Variants in SMARCD3 observed in about 807,000 individuals in gnomAD.
SMARCD3 encodes SWI/SNF related BAF chromatin remodeling complex subunit D3.
A neutral mutation model predicts 58.0 loss-of-function variants in SMARCD3; 14 were observed. That is an observed-to-expected ratio of 0.24 (90% CI 0.16 to 0.38). The LOEUF is 0.38. Ranked by LOEUF, SMARCD3 falls within the 10% of genes least tolerant of loss-of-function variation. The pLI is 1.00. For missense variants in SMARCD3, 408 were observed against 636.9 expected (o/e 0.64, Z 3.87); for synonymous variants, 253 against 253.8 (o/e 1.00, Z 0.03).
In SMARCD3 at chr7:151,241,459, T is replaced by TC; in HGVS notation, c.939+32dup. The TC allele has an allele frequency of 6.3e-7, 1 of 1,598,398 alleles. No individual in the cohort carries two copies. Among genetic ancestry groups the TC allele is most frequent in the Non-Finnish European group, 8.5e-7 (1 of 1,170,078 alleles). Reference sequence around the variant, plus strand: ...TCCCCTGCTGGAGAACTCCGCCTGCTCCCCAGATCCCAGGGTTCAGGAGAG... The same window carrying TC: ...TCCCCTGCTGGAGAACTCCGCCTGCTCCCCCAGATCCCAGGGTTCAGGAGAG... On this transcript the variant is annotated intron_variant, in intron 8 of 12. Transcript: ENST00000262188. The surrounding 1 kb of genome is among the most constrained non-coding windows in gnomAD (Gnocchi z 5.3).
rs79228255 is a variant in SMARCD3, at chr7:151,270,247, G to A, written c.39+4867C>T. ...AACCACGGAGTTACAGGAGGGAGAC[G>A]CGGGGCACAGGGCAGCTCAGGCGAC... On this transcript the variant is annotated intron_variant, in intron 2 of 13. Transcript: ENST00000356800. 8.5e-5 allele frequency among the ~76,000 whole-genome samples: 13 copies of A among 152,296 alleles called. No homozygotes were observed. The South Asian group carries it at 1.4e-3, about 17-fold the overall frequency.
upstream of SMARCD3, chr7:151,248,758 C>A (rs998354737): frequency 4.9e-5 from 45 of 923,450 alleles, no homozygotes; most frequent in Non-Finnish European, 5.9e-5. The surrounding 1 kb of genome is among the most constrained non-coding windows in gnomAD (Gnocchi z 6.1). Flanking sequence ...CGCCCGCCCG[C>A]CGCCGCCGCC....
intron 2 of SMARCD3, among the ~76,000 whole-genome samples, chr7:151,261,381 C>T (rs186136662): frequency 2.0e-5 from 3 of 152,304 alleles, no homozygotes; most frequent in Admixed American, 6.5e-5. Context: ...GGGTTGAGAA[C>T]CACAGCCCTT....
intron 2 of SMARCD3, among the ~76,000 whole-genome samples, chr7:151,267,906 T>G (rs7783318): frequency 0.61 from 92,664 of 152,100 alleles, 29,525 homozygotes; most frequent in African/African-American, 0.77. Flanking sequence ...GAGCCCAGGA[T>G]GTTGAGGCTG....
chr7:151,265,079 C>G (rs1360316068), intron 2 of SMARCD3, among the ~76,000 whole-genome samples: 2 of 152,196 alleles, frequency 1.3e-5, no homozygotes, highest in South Asian at 2.1e-4. Flanking sequence ...TCTGAAGGCA[C>G]CTGTCAGAGT....
intron 2 of SMARCD3, among the ~76,000 whole-genome samples, chr7:151,244,433 C>A (rs1283668977): frequency 6.6e-6 from 1 of 152,146 alleles, no homozygotes; most frequent in Non-Finnish European, 1.5e-5. Flanking sequence ...CCCAGAAAAA[C>A]CTTGGCGGGT....
chr7:151,262,812 G>T (rs1372929346), intron 2 of SMARCD3, among the ~76,000 whole-genome samples: 2 of 152,236 alleles, frequency 1.3e-5, no homozygotes, highest in South Asian at 2.1e-4. Context: ...CTGGCATGGG[G>T]TGCTGTGGGT....
chr7:151,242,966 A>G lies in SMARCD3; in HGVS notation c.334-123T>C, dbSNP rs910445717. The G allele has an allele frequency of 5.0e-5, 62 of 1,234,654 alleles. 1 individual carries two copies. Among genetic ancestry groups the G allele is most frequent in the Non-Finnish European group, 6.5e-5 (58 of 890,912 alleles). 76.5% of individuals were successfully genotyped at this position (1,234,654 alleles called of 1,614,324 possible). A position where few individuals can be genotyped will look rare whatever the true frequency, so the allele number is the denominator to read the frequency against. On this transcript the variant is annotated intron_variant, in intron 3 of 12. Transcript: ENST00000262188. The surrounding 1 kb of genome is among the most constrained non-coding windows in gnomAD (Gnocchi z 4.7). The stretch of plus-strand genomic sequence containing the variant: ...CAGGGGAGCCATCCTACTTTTGGGC[A>G]TGTAGCTTTGACAGTGGGAACAGGA...
intron 2 of SMARCD3, among the ~76,000 whole-genome samples, chr7:151,271,105 G>A (rs961976464): frequency 6.6e-6 from 1 of 152,118 alleles, no homozygotes; most frequent in African/African-American, 2.4e-5. Flanking sequence ...GTATTCCCAG[G>A]AGAGGAGATA....
rs1322049535 is a variant in SMARCD3, at chr7:151,239,527, C to T, written c.1297-30G>A. 8.7e-6 allele frequency: 14 copies of T among 1,608,632 alleles called. No individual in the cohort carries two copies. Among genetic ancestry groups the T allele is most frequent in the Middle Eastern group, 1.7e-4 (1 of 6,048 alleles). On this transcript the variant is annotated intron_variant, in intron 11 of 12. Coordinates refer to ENST00000262188, the MANE Select transcript of SMARCD3 (RefSeq NM_001003801.2). The surrounding 1 kb of genome is among the most constrained non-coding windows in gnomAD (Gnocchi z 7.0). ...GAGGGAGCGTGGGGTGAGCCCTGAG[C>T]CCTGAATCCCCTCACCTGCCCCTGG...
intron 1 of SMARCD3, among the ~76,000 whole-genome samples, chr7:151,275,537 G>T (rs1020902107): frequency 6.6e-6 from 1 of 152,206 alleles, no homozygotes; most frequent in African/African-American, 2.4e-5. Flanking sequence ...CAGAGCCCAA[G>T]CCCTGACTGG....
In SMARCD3 at chr7:151,242,823, C is replaced by G; in HGVS notation, c.354G>C (p.Glu118Asp). The G allele has an allele frequency of 6.2e-7, 1 of 1,614,142 alleles. No homozygotes were observed. Among genetic ancestry groups the G allele is most frequent in the Non-Finnish European group, 8.5e-7 (1 of 1,180,002 alleles). The change falls in exon 4 of 13, where the codon GAG becomes GAC. Residue 118 changes from glutamate to aspartate, a missense_variant. Physicochemically the swap from Glu to Asp is conservative, Grantham distance 45. This residue lies in a region of SMARCD3 where 128 missense variants were observed against 188.8 expected (regional missense o/e 0.68). Transcript: ENST00000262188. This position sits in a 1 kb window ranked among gnomAD's most constrained non-coding sequence, Gnocchi z 4.7. ...CCAAGAGGTCCATGTAAGCCTGGGA[C>G]TCGGGGACCAGCTCCCGAATCTGGA... ...LPQRIRELVPESQAYMDLLAF... is the reference protein window; with the variant it reads ...LPQRIRELVPDSQAYMDLLAF...
intron 2 of SMARCD3, among the ~76,000 whole-genome samples, chr7:151,244,962 C>T (rs1401924414): frequency 6.6e-6 from 1 of 152,168 alleles, no homozygotes; most frequent in East Asian, 1.9e-4. Context: ...TAGAGACCAC[C>T]TACCCACAGG....
Position 151,242,882 on chromosome 7 carries a change from G to T in SMARCD3, c.334-39C>A, listed in dbSNP as rs993211646. On this transcript the variant is annotated intron_variant, in intron 3 of 12. Coordinates refer to ENST00000262188, the MANE Select transcript of SMARCD3 (RefSeq NM_001003801.2). The surrounding 1 kb of genome is among the most constrained non-coding windows in gnomAD (Gnocchi z 4.7). ...AGCAGGGCAGGAGTCAGAGGCTCAA[G>T]TCCAGGGTTGTACCATGGAATGTAT... The T allele has an allele frequency of 3.1e-6, 5 of 1,611,730 alleles. No homozygotes were observed. In the African/African-American group the frequency reaches 6.7e-5, roughly 22 times the overall value.
rs1563651428 is a variant in SMARCD3 at position 151,242,543 on chromosome 7, C to CAGCATCAGG, written c.508_516dup (p.Pro170_Ala172dup). The CAGCATCAGG allele has an allele frequency of 1.9e-6, 3 of 1,614,174 alleles. No homozygotes were observed. The Admixed American group carries it at 5.0e-5, about 27-fold the overall frequency. Reference sequence around the variant, plus strand: ...GAGGCAATGCTGCCGTCGGAATCCTCAGCATCAGGCTTCGCAGGGTTAAAA... The same window carrying CAGCATCAGG: ...GAGGCAATGCTGCCGTCGGAATCCTCAGCATCAGGAGCATCAGGCTTCGCAGGGTTAAAA... On this transcript the variant is annotated inframe_insertion, in exon 5 of 13. Transcript: ENST00000262188. This position sits in a 1 kb window ranked among gnomAD's most constrained non-coding sequence, Gnocchi z 4.7.
Position 151,239,431 on chromosome 7 carries a change from A to G in SMARCD3, c.1363T>C (p.Ser455Pro). The change falls in exon 12 of 13, where the codon TCC (serine) becomes CCC (proline). Residue 455 changes from serine to proline, a missense_variant. Physicochemically the swap from Ser to Pro is moderately conservative, Grantham distance 74. Around this residue, in one of 4 missense-constraint regions of SMARCD3, gnomAD observed 81 missense variants for 109.7 expected, o/e 0.74. Transcript: ENST00000262188. The surrounding 1 kb of genome is among the most constrained non-coding windows in gnomAD (Gnocchi z 7.0). ...AAGTAGCGACTGACGGCCTCCTGGG[A>G]CCAGGGCTGGTGGTAGAACTCAGCC... ...RRAEFYHQPW[S>P]QEAVSRYFYC... 1 of 1,613,754 alleles carries G rather than the reference A, an allele frequency of 6.2e-7. No individual in the cohort carries two copies. Among genetic ancestry groups the G allele is most frequent in the Non-Finnish European group, 8.5e-7 (1 of 1,179,966 alleles).
chr7:151,273,347 C>T (rs934429901), intron 2 of SMARCD3, among the ~76,000 whole-genome samples: 7 of 152,184 alleles, frequency 4.6e-5, no homozygotes, highest in Admixed American at 4.6e-4. Context: ...CTGGAACAGC[C>T]CAAGGCTCCC....
rs1803073057 is a variant in SMARCD3 at position 151,242,935 on chromosome 7, A to C, written c.334-92T>G. ...ATGTTGTGCAATCCTAGGGTACAAA[A>C]GATGTCAGGGGAGCCATCCTACTTT... On this transcript the variant is annotated intron_variant, in intron 3 of 12. Transcript: ENST00000262188. The surrounding 1 kb of genome is among the most constrained non-coding windows in gnomAD (Gnocchi z 4.7). 2.7e-6 allele frequency: 4 copies of C among 1,493,152 alleles called. No homozygotes were observed. In the East Asian group the frequency reaches 9.1e-5, roughly 34 times the overall value. The allele number at this position is 1,493,152 out of a possible 1,614,324, so 92.5% of individuals were successfully genotyped here.
chr7:151,247,033 C>T (rs1374137477), intron 1 of SMARCD3, among the ~76,000 whole-genome samples: 1 of 152,104 alleles, frequency 6.6e-6, no homozygotes, highest in Non-Finnish European at 1.5e-5. Context: ...TGTCCTCCCA[C>T]CCTCGGTCAG....
Sources: gnomAD v4.1 joint callset for allele counts (sites outside exome capture counted in the v4.1 genomes callset) on GRCh38, gnomAD v4.1.1 for gene constraint, gnomAD v4.1.1 regional missense constraint, Gnocchi (gnomAD v3.1) non-coding constraint, MANE v1.5 for transcripts, NCBI Gene and HGNC (gene_info 2026-07-23, HGNC 2026-07-21) for gene names.